Variants in MGAT4C observed in about 807,000 individuals in gnomAD.
MGAT4C encodes alpha-1,3-mannosyl-glycoprotein 4-beta-N-acetylglucosaminyltransferase C.
MGAT4C carries 19 observed loss-of-function variants against 40.1 expected under a neutral mutation model. The observed-to-expected ratio is 0.47, with a 90% CI of 0.33 to 0.70. The LOEUF is 0.70. Among genes scored for constraint, MGAT4C ranks in the 30% least tolerant of loss-of-function variants. The pLI is 0.02. For synonymous variants in MGAT4C, 181 were observed against 187.1 expected, an observed-to-expected ratio of 0.97 and a Z score of 0.27; for missense variants, 491 against 563.2, an observed-to-expected ratio of 0.87 and a Z score of 1.30.
At chr12:86,184,206 G>T (rs1593171846) in intron 1 of MGAT4C, among the ~76,000 whole-genome samples, 1 of 150,400 alleles carries the variant, frequency 6.6e-6, no homozygotes. Context: ...CAAGTTTTTG[G>T]TCTCTACTAA....
chr12:86,164,808 C>T (rs1886007694), intron 1 of MGAT4C, among the ~76,000 whole-genome samples: 1 of 152,040 alleles, frequency 6.6e-6, no homozygotes, highest in African/African-American at 2.4e-5. Flanking sequence ...AAGGCAGGAG[C>T]CCACTTAGCA....
intron 2 of MGAT4C, among the ~76,000 whole-genome samples, chr12:86,663,990 T>C: frequency 6.6e-6 from 1 of 152,196 alleles, no homozygotes; most frequent in East Asian, 1.9e-4. Flanking sequence ...CAGCTGTCAT[T>C]AGTCAGTTCT....
chr12:85,994,562 T>C (rs1259306476), intron 2 of MGAT4C, among the ~76,000 whole-genome samples: 1 of 151,466 alleles, frequency 6.6e-6, no homozygotes, highest in African/African-American at 2.4e-5. Flanking sequence ...CTCCCCCACC[T>C]CAAACATAGA....
chr12:86,111,475 TCA>T (rs1458178949), intron 1 of MGAT4C, among the ~76,000 whole-genome samples: 1 of 151,834 alleles, frequency 6.6e-6, no homozygotes, highest in East Asian at 1.9e-4. Context: ...ATTTCATTTC[TCA>T]GTTTTCCAGA....
At chr12:86,311,016 G>T (rs1478987892) in intron 4 of MGAT4C, among the ~76,000 whole-genome samples, 1 of 152,210 alleles carries the variant, frequency 6.6e-6, no homozygotes, top group African/African-American at 2.4e-5. Flanking sequence ...AGGCCCGATG[G>T]GTCCTGCTGC....
chr12:86,724,596 G>A (rs2136648786), intron 2 of MGAT4C, among the ~76,000 whole-genome samples: 1 of 152,270 alleles, frequency 6.6e-6, no homozygotes. Flanking sequence ...AATAGATGCA[G>A]TAGCTGGAGT....
intron 2 of MGAT4C, among the ~76,000 whole-genome samples, chr12:86,466,728 T>C (rs1957687663): frequency 6.6e-6 from 1 of 152,180 alleles, no homozygotes; most frequent in Non-Finnish European, 1.5e-5. Context: ...CTTGTCAGTT[T>C]TAACAAATGA....
At chr12:86,058,154 T>C (rs1565920663) in intron 1 of MGAT4C, among the ~76,000 whole-genome samples, 1 of 152,106 alleles carries the variant, frequency 6.6e-6, no homozygotes, top group Admixed American at 6.6e-5. Context: ...TGACCTAAAT[T>C]GGCCAGAAAA....
At chr12:86,487,487 C>A (rs1025523094) in intron 2 of MGAT4C, among the ~76,000 whole-genome samples, 1 of 152,076 alleles carries the variant, frequency 6.6e-6, no homozygotes, top group South Asian at 2.1e-4. Flanking sequence ...CATAAACTTA[C>A]CAATTTAGAA....
At chr12:86,482,867 A>G (rs746318162) in intron 2 of MGAT4C, among the ~76,000 whole-genome samples, 1 of 152,164 alleles carries the variant, frequency 6.6e-6, no homozygotes, top group African/African-American at 2.4e-5. Context: ...AATTTGTTTT[A>G]TTTGACCAGT....
intron 2 of MGAT4C, among the ~76,000 whole-genome samples, chr12:86,540,779 C>T (rs1429290932): frequency 6.6e-6 from 1 of 151,172 alleles, no homozygotes; most frequent in Non-Finnish European, 1.5e-5. Context: ...TAAGCTGAAA[C>T]CACTCAGTTT....
At position 86,704,647 on chromosome 12, in the gene MGAT4C, A is replaced by C. The variant is rs533029390; in HGVS notation, c.-229+22562T>G. Among the ~76,000 whole-genome samples, 3 of 152,272 alleles carry C rather than the reference A, an allele frequency of 2.0e-5. No individual in the cohort carries two copies. In the East Asian group the frequency reaches 5.8e-4, roughly 29 times the overall value. ...TTCAGCTATTTCCTTCAGTTATAAC[A>C]ATCAACTTATAAGGCAAATTTATTA... On this transcript the variant is annotated intron_variant, in intron 2 of 7. Coordinates refer to the MGAT4C transcript ENST00000548651.
At chr12:86,621,474 C>T (rs933572421) in intron 2 of MGAT4C, among the ~76,000 whole-genome samples, 12 of 152,122 alleles carry the variant, frequency 7.9e-5, no homozygotes, top group East Asian at 3.9e-4. Flanking sequence ...TTTGTTTGAT[C>T]GGTTGGCTGG....
At chr12:86,251,918 T>G (rs1333661784) in intron 1 of MGAT4C, among the ~76,000 whole-genome samples, 1 of 152,076 alleles carries the variant, frequency 6.6e-6, no homozygotes, top group East Asian at 1.9e-4. Context: ...AAAAGTACTG[T>G]TGTCCATTTA....
At chr12:86,774,703 TAAA>T (rs1951723487) in intron 1 of MGAT4C, among the ~76,000 whole-genome samples, 1 of 152,180 alleles carries the variant, frequency 6.6e-6, no homozygotes, top group East Asian at 1.9e-4. Context: ...TTTATTACTA[TAAA>T]AGATTTTAAT....
chr12:86,793,916 C>G (rs921121218), intron 1 of MGAT4C, among the ~76,000 whole-genome samples: 1 of 151,860 alleles, frequency 6.6e-6, no homozygotes, highest in Non-Finnish European at 1.5e-5. Flanking sequence ...CTCTTCCACA[C>G]ATTACTAATA....
intron 3 of MGAT4C, among the ~76,000 whole-genome samples, chr12:86,354,478 C>T (rs1955260856): frequency 6.6e-6 from 1 of 151,992 alleles, no homozygotes; most frequent in Admixed American, 6.6e-5. Flanking sequence ...ATAAATGCGT[C>T]TCGATGAAGG....
chr12:86,107,394 T>C (rs1021802963), intron 1 of MGAT4C, among the ~76,000 whole-genome samples: 1 of 152,046 alleles, frequency 6.6e-6, no homozygotes, highest in Non-Finnish European at 1.5e-5. Context: ...AGGAACAAGA[T>C]GATAATCCAT....
At chr12:86,369,695 T>C (rs76167327) in intron 3 of MGAT4C, among the ~76,000 whole-genome samples, 4,932 of 152,090 alleles carry the variant, frequency 0.032, 225 homozygotes, top group African/African-American at 0.11. Context: ...GTTATTGTTA[T>C]TATCCTTTTT....
Sources: allele counts gnomAD v4.1 joint callset (sites outside exome capture counted in the v4.1 genomes callset), GRCh38; gene constraint gnomAD v4.1.1; transcripts MANE v1.5; gene names NCBI Gene and HGNC (gene_info 2026-07-23, HGNC 2026-07-21).